The following CPO variants were observed in gnomAD, a reference collection of about 807,000 sequenced individuals.
CPO encodes carboxypeptidase O.
Under a neutral mutation model 41.2 loss-of-function variants are expected in CPO, and 43 were observed. That is an observed-to-expected ratio of 1.04 (90% confidence interval 0.82 to 1.35). The LOEUF is 1.35. Ranked by LOEUF, CPO falls within the 40% of genes most tolerant of loss-of-function variation. The pLI, the probability that CPO is intolerant of heterozygous loss-of-function variation, is 0.00. For synonymous variants in CPO, 178 were observed against 162.7 expected, an observed-to-expected ratio of 1.09 and a Z score of -0.72; for missense variants, 408 against 451.7, an observed-to-expected ratio of 0.90 and a Z score of 0.88.
Position 206,960,834 on chromosome 2 carries a change from T to C in CPO, c.484-18T>C. ...TGAAACCTTAGAACAGCAACATCCG[T>C]ATGTTCCTCTGCTACAGGATCGTCT... is the stretch of plus-strand genomic sequence containing the variant. On this transcript the variant is annotated intron_variant, in intron 5 of 8. Coordinates refer to ENST00000272852, the MANE Select transcript of CPO (RefSeq NM_173077.3). The C allele has an allele frequency of 1.3e-6, 2 of 1,552,252 alleles. No homozygotes were observed. The highest frequency in any genetic ancestry group is 1.8e-6 in the Non-Finnish European group (2 of 1,123,648).
intron 2 of CPO, among the ~76,000 whole-genome samples, chr2:206,951,089 A>G (rs1693253025): frequency 1.4e-5 from 2 of 138,104 alleles, no homozygotes; most frequent in South Asian, 4.4e-4. Context: ...TTAAAAAAAA[A>G]AGGGGTGGAA....
chr2:206,955,531 G>C lies in CPO; in HGVS notation c.234G>C (p.Val78=), dbSNP rs748775263. 1.2e-6 allele frequency: 2 copies of C among 1,602,778 alleles called. No homozygotes were observed. The highest frequency in any genetic ancestry group is 1.7e-6 in the Non-Finnish European group (2 of 1,169,528). Residue 78 remains valine, a synonymous_variant, in exon 3 of 9, where the codon GTG becomes GTC. Coordinates refer to ENST00000272852, the MANE Select transcript of CPO (RefSeq NM_173077.3). ...TGGTGACACAGCATTTCCTAGGAGT[G>C]ACCTATGAGACCCACCCCATGTATT... ...KEVVTQHFLG[V]TYETHPMYYL...
intron 7 of CPO, among the ~76,000 whole-genome samples, chr2:206,964,539 T>C (rs1693537676): frequency 6.6e-6 from 1 of 152,188 alleles, no homozygotes; most frequent in Admixed American, 6.5e-5. Flanking sequence ...GCCACATTCA[T>C]CATCCCACTA....
intron 6 of CPO, 46 bp from the exon 7 acceptor site, chr2:206,962,365 CA>C (rs770214685): frequency 4.3e-5 from 68 of 1,568,164 alleles, no homozygotes; most frequent in Non-Finnish European, 5.7e-5. Context: ...TGGTCATTTC[CA>C]AACTGAGATC....
In CPO at chr2:206,953,585, T is replaced by C. The variant is rs1220356753; in HGVS notation, c.166-1878T>C. Among the ~76,000 whole-genome samples the C allele has an allele frequency of 2.6e-5, 4 of 152,348 alleles. No individual in the cohort carries two copies. The East Asian group carries it at 7.7e-4, about 29-fold the overall frequency. On this transcript the variant is annotated intron_variant, in intron 2 of 8. Coordinates refer to ENST00000272852, the MANE Select transcript of CPO (RefSeq NM_173077.3). The stretch of plus-strand genomic sequence containing the variant: ...TCCTGGCTGCTTTCATAGGCTGGCA[T>C]TGAGTGTCTGCAGTTCTTCCAGGTG...
At chr2:206,941,080 G>C (rs1693021409) in intron 1 of CPO, among the ~76,000 whole-genome samples, 1 of 151,928 alleles carries the variant, frequency 6.6e-6, no homozygotes, top group African/African-American at 2.4e-5. Context: ...AAAATATCAA[G>C]AGCCTTAAAA....
Position 206,965,909 on chromosome 2 carries a change from A to G in CPO, c.778-2354A>G, listed in dbSNP as rs991035211. 1.8e-4 allele frequency among the ~76,000 whole-genome samples: 27 copies of G among 152,312 alleles called. 1 individual carries two copies. The highest frequency in any genetic ancestry group is 1.1e-3 in the Admixed American group (17 of 15,306). On this transcript the variant is annotated intron_variant, in intron 7 of 8. Transcript: ENST00000272852. The stretch of plus-strand genomic sequence containing the variant: ...CGAAGGAGAGAGAAGTACAATCAGG[A>G]GTTCCACCTCCAGAGACAGAAGTTG...
rs1373539854 is a variant in CPO, at chr2:206,962,615, G to A, written c.777+1G>A. The A allele has an allele frequency of 8.7e-6, 14 of 1,613,236 alleles. No individual in the cohort carries two copies. Among genetic ancestry groups the A allele is most frequent in the Middle Eastern group, 1.7e-4 (1 of 6,060 alleles). On this transcript the variant is annotated splice_donor_variant, in intron 7 of 8. Coordinates refer to ENST00000272852, the MANE Select transcript of CPO (RefSeq NM_173077.3). LOFTEE classifies it high-confidence loss of function. ...TAAATCAAGTAACCACCCAGAAATG[G>A]TGAGTCCATAGCACCAAGGCCTCCA...
chr2:206,968,427 G>A (rs1693625182), intron 8 of CPO, 80 bp downstream of exon 8: 1 of 800,632 alleles, frequency 1.2e-6, no homozygotes, highest in Admixed American at 1.9e-5. Context: ...AGATAGGCGG[G>A]AGAGGAACAG....
intron 1 of CPO, among the ~76,000 whole-genome samples, chr2:206,942,108 A>G (rs1011529091): frequency 6.6e-6 from 1 of 152,184 alleles, no homozygotes; most frequent in Non-Finnish European, 1.5e-5. Context: ...ATTTAAATAA[A>G]TGATACTATG....
intron 3 of CPO, among the ~76,000 whole-genome samples, chr2:206,957,001 A>G (rs999623114): frequency 6.6e-6 from 1 of 152,218 alleles, no homozygotes; most frequent in Non-Finnish European, 1.5e-5. Flanking sequence ...AAAGAATAGA[A>G]CATAATAAAG....
At chr2:206,941,436 G>A (rs1427466826) in intron 1 of CPO, among the ~76,000 whole-genome samples, 2 of 152,006 alleles carry the variant, frequency 1.3e-5, no homozygotes, top group African/African-American at 2.4e-5. Context: ...GTTATCTTTG[G>A]TTGGTGATAT....
chr2:206,969,389 G>T lies in CPO; in HGVS notation c.1078G>T (p.Ala360Ser). Residue 360 changes from alanine (A) to serine (S), a missense_variant, in exon 9 of 9, where the codon GCC becomes TCC. Physicochemically the swap from Ala to Ser is moderately conservative, Grantham distance 99. Transcript: ENST00000272852. ...GGACAGTGCTGGAAGGGTGACATCT[G>T]CCACTATGCTGCTGGGCCTGCTGGT... ...HSDSAGRVTS[A>S]TMLLGLLVSC... The T allele has an allele frequency of 6.2e-7, 1 of 1,614,050 alleles. No homozygotes were observed. Among genetic ancestry groups the T allele is most frequent in the East Asian group, 2.2e-5 (1 of 44,842 alleles).
intron 1 of CPO, among the ~76,000 whole-genome samples, chr2:206,947,952 C>T (rs1365878477): frequency 6.6e-6 from 1 of 152,200 alleles, no homozygotes; most frequent in Non-Finnish European, 1.5e-5. Flanking sequence ...TGTGGAGCAA[C>T]AGGAACTCTC....
At chr2:206,944,175 A>T (rs982829149) in intron 1 of CPO, among the ~76,000 whole-genome samples, 1 of 152,160 alleles carries the variant, frequency 6.6e-6, no homozygotes, top group African/African-American at 2.4e-5. Flanking sequence ...AAGTGCTTTG[A>T]CCAGTGCCTA....
chr2:206,944,639 C>T (rs2105818686), intron 1 of CPO, among the ~76,000 whole-genome samples: 1 of 152,048 alleles, frequency 6.6e-6, no homozygotes. Context: ...TTTGGACAAG[C>T]TAATAGGGCA....
intron 7 of CPO, 92 bp from the exon 8 acceptor site, chr2:206,968,171 T>A: frequency 1.1e-6 from 1 of 875,730 alleles, no homozygotes; most frequent in Non-Finnish European, 1.9e-6. Flanking sequence ...GGCCTAAAAC[T>A]CTGGAGATGA....
rs776478313 is a variant in CPO, at chr2:206,969,463, C to A, written c.*27C>A. 7 of 1,608,168 alleles carry A rather than the reference C, an allele frequency of 4.4e-6. No individual in the cohort carries two copies. In the African/African-American group the frequency reaches 8.0e-5, roughly 18 times the overall value. On this transcript the variant is annotated 3_prime_UTR_variant, in exon 9 of 9. Transcript: ENST00000272852. ...TGCATTCTGCCCAGGCCTGCTCAAC[C>A]CCAGTGGCATGAGTGTGGCTGGAGG...
chr2:206,967,341 A>ATC (rs1352499121), intron 7 of CPO, among the ~76,000 whole-genome samples: 3 of 80,950 alleles, frequency 3.7e-5, no homozygotes, highest in Non-Finnish European at 5.7e-5. Context: ...CTATATATAT[A>ATC]TATATATATA....
Sources: gnomAD v4.1 joint callset for allele counts (sites outside exome capture counted in the v4.1 genomes callset) on GRCh38, gnomAD v4.1.1 for gene constraint, MANE v1.5 for transcripts, NCBI Gene and HGNC (gene_info 2026-07-23, HGNC 2026-07-21) for gene names.